Variants in ATP10B observed in about 807,000 individuals in gnomAD.
ATP10B encodes the protein phospholipid-transporting ATPase VB.
Under a neutral mutation model 141.2 loss-of-function variants are expected in ATP10B, and 122 were observed. The ratio of observed to expected loss-of-function variants is 0.86; its 90% CI spans 0.75 to 1.00. The LOEUF (loss-of-function observed/expected upper bound fraction) is 1.00. ATP10B is among the 50% of genes least tolerant of loss of function. ATP10B has a pLI of 0.00. For synonymous variants in ATP10B, 685 were observed against 692.0 expected (o/e 0.99, Z 0.16); for missense variants, 1,876 against 1,825.3 (o/e 1.03, Z -0.51).
intron 7 of ATP10B, among the ~76,000 whole-genome samples, chr5:160,653,568 CATATACATATATACATATATACAT>C (rs1193180455): frequency 2.2e-4 from 16 of 72,130 alleles, no homozygotes; most frequent in African/African-American, 7.1e-4. Context: ...ATATATATTA[CATATACATATATACATATATACAT>C]ATATACATAT....
At chr5:160,694,509 A>T (rs1764254216) in intron 3 of ATP10B, among the ~76,000 whole-genome samples, 1 of 152,184 alleles carries the variant, frequency 6.6e-6, no homozygotes, top group Non-Finnish European at 1.5e-5. Flanking sequence ...AGACAATCCT[A>T]TATGGGGGAC....
intron 7 of ATP10B, among the ~76,000 whole-genome samples, chr5:160,658,051 T>A (rs1761630278): frequency 6.6e-6 from 1 of 152,186 alleles, no homozygotes; most frequent in South Asian, 2.1e-4. Context: ...GGCAAAAAAA[T>A]TCACAAAGAA....
chr5:160,671,167 A>C (rs1762677393), intron 6 of ATP10B, among the ~76,000 whole-genome samples: 4 of 133,286 alleles, frequency 3.0e-5, no homozygotes, highest in African/African-American at 1.5e-4. Context: ...TCTGTCTCAA[A>C]AAAAAAAAAA....
the ATP10B span, among the ~76,000 whole-genome samples, chr5:160,904,556 T>C: frequency 1.3e-4 from 20 of 152,218 alleles, no homozygotes; most frequent in African/African-American, 4.6e-4. Flanking sequence ...ATGTGATACC[T>C]TGTCAAGACT....
At chr5:160,853,268 C>CTT (rs1753894765), upstream of ATP10B, among the ~76,000 whole-genome samples, 2 of 152,008 alleles carry the variant, frequency 1.3e-5, no homozygotes, top group South Asian at 4.1e-4. Context: ...GTCCCTGTTC[C>CTT]TTTACTTCCC....
At position 160,670,463 on chromosome 5, in the gene ATP10B, C is replaced by T. The variant is rs761911471; in HGVS notation, c.675G>A (p.Gln225=). 2 of 1,613,934 alleles carry T rather than the reference C, an allele frequency of 1.2e-6. No homozygotes were observed. Among genetic ancestry groups the T allele is most frequent in the Non-Finnish European group, 1.7e-6 (2 of 1,179,934 alleles). The part of the protein sequence containing the change: ...QRCVVKGFSQ[Q]EVQFEPELFH... Reference sequence around the variant, plus strand: ...TTGAAGATATTAGAAAGAGCCCTACCTGCTGTGAGAAGCCCTTCACGACAC... The same window carrying T: ...TTGAAGATATTAGAAAGAGCCCTACTTGCTGTGAGAAGCCCTTCACGACAC... The change falls in exon 7 of 26, where the codon CAG becomes CAA. Residue 225 remains glutamine (Q), a splice_region_variant and synonymous_variant. Transcript: ENST00000327245.
the ATP10B span, among the ~76,000 whole-genome samples, chr5:160,871,473 T>C: frequency 1.3e-5 from 2 of 152,116 alleles, no homozygotes; most frequent in Admixed American, 6.6e-5. Context: ...ACCTGCGCAG[T>C]ATATATACAC....
intron 7 of ATP10B, among the ~76,000 whole-genome samples, chr5:160,658,569 C>T (rs1259289773): frequency 6.6e-6 from 1 of 152,194 alleles, no homozygotes; most frequent in Non-Finnish European, 1.5e-5. Flanking sequence ...ATCACAGAGT[C>T]CTTTGTTTCT....
the ATP10B span, among the ~76,000 whole-genome samples, chr5:160,927,354 A>G: frequency 6.6e-6 from 1 of 152,208 alleles, no homozygotes; most frequent in Admixed American, 6.5e-5. Flanking sequence ...GGCATCTAGA[A>G]GGACAAGCTG....
intron 13 of ATP10B, among the ~76,000 whole-genome samples, chr5:160,630,661 A>G (rs1354348354): frequency 2.0e-5 from 3 of 152,236 alleles, no homozygotes; most frequent in Non-Finnish European, 2.9e-5. Flanking sequence ...AGGATGTAGC[A>G]ATATACACAC....
chr5:160,922,229 G>T, the ATP10B span, among the ~76,000 whole-genome samples: 1 of 152,178 alleles, frequency 6.6e-6, no homozygotes, highest in Non-Finnish European at 1.5e-5. Flanking sequence ...CACAGACCTG[G>T]CACTGAGGTC....
At chr5:160,596,057 C>T (rs1235179680) in intron 22 of ATP10B, among the ~76,000 whole-genome samples, 17 of 151,826 alleles carry the variant, frequency 1.1e-4, no homozygotes, top group Admixed American at 6.6e-5. Context: ...CCAGCATCAT[C>T]CTGATACCAA....
rs1046178847 is a variant in ATP10B, at chr5:160,776,718, C to T, written c.-331+8841G>A. Among the ~76,000 whole-genome samples the T allele has an allele frequency of 2.0e-5, 3 of 152,174 alleles. No individual in the cohort carries two copies. The East Asian group carries it at 5.8e-4, about 29-fold the overall frequency. The stretch of plus-strand genomic sequence containing the variant: ...TTATTAATAAGTTTTTCCTGTGACA[C>T]TTGGCCCAAGGGAAAGGTTCAGTCA... On this transcript the variant is annotated intron_variant, in intron 2 of 25. Transcript: ENST00000327245.
In ATP10B at chr5:160,565,625, G is replaced by A. The variant is rs746808098; in HGVS notation, c.4214C>T (p.Thr1405Met). 64 of 1,614,116 alleles carry A rather than the reference G, an allele frequency of 4.0e-5. No homozygotes were observed. The East Asian group carries it at 4.0e-4, about 10-fold the overall frequency. Residue 1405 changes from threonine to methionine, a missense_variant, in exon 26 of 26, where the codon ACG becomes ATG. By Grantham distance (81) the Thr-to-Met change is moderately conservative. Transcript: ENST00000327245. ...GCATGAGTCATCCCTCATGCACTCC[G>A]TGCCACATCTCTGTTCGTGGAGTAC... ...ESVLHEQRCGTECMRDDSCSG... is the reference protein window; with the variant it reads ...ESVLHEQRCGMECMRDDSCSG...
At chr5:160,633,613 G>A (rs1418642327) in intron 12 of ATP10B, 2 of 154,832 alleles carry the variant, frequency 1.3e-5, no homozygotes, top group South Asian at 2.0e-4. Flanking sequence ...TGATGGGTTG[G>A]TGGGTGCTGC....
chr5:160,919,209 G>C, the ATP10B span, among the ~76,000 whole-genome samples: 1 of 59,222 alleles, frequency 1.7e-5, no homozygotes, highest in Non-Finnish European at 3.0e-5. Context: ...GGGCGACAGA[G>C]CGAAACTCCG....
At chr5:160,760,047 G>C (rs927402878) in intron 2 of ATP10B, among the ~76,000 whole-genome samples, 1 of 152,112 alleles carries the variant, frequency 6.6e-6, no homozygotes, top group African/African-American at 2.4e-5. Flanking sequence ...TTAGAATTGT[G>C]TCTTTACGCA....
rs760452841 is a variant in ATP10B, at chr5:160,565,902, T to C, written c.3939-2A>G. On this transcript the variant is annotated splice_acceptor_variant, in intron 25 of 25. Transcript: ENST00000327245. LOFTEE classifies it high-confidence loss of function. ...CCTTGCAGAGACAGGAAAAAGTATC[T>C]GGTGGGAAACAACAGAATAAAGATA... 1 of 1,604,708 alleles carries C rather than the reference T, an allele frequency of 6.2e-7. No homozygotes were observed. The highest frequency in any genetic ancestry group is 1.7e-5 in the Admixed American group (1 of 57,930).
Position 160,686,227 on chromosome 5 carries a change from G to C in ATP10B, c.322C>G (p.Pro108Ala). Residue 108 changes from proline (P) to alanine (A), a missense_variant, in exon 6 of 26, where the codon CCC becomes GCC. By Grantham distance (27) the Pro-to-Ala change is conservative (BLOSUM62 -1). Coordinates refer to ENST00000327245, the MANE Select transcript of ATP10B (RefSeq NM_025153.3). ...TCTCTGTGGAAGACTTCCATGGAGG[G>C]CATCCAGTTCAAAATCACCAGGAAC... The part of the protein sequence containing the change: ...FLFLVILNWM[P>A]SMEVFHREIT... The C allele has an allele frequency of 6.2e-7, 1 of 1,609,380 alleles. No individual in the cohort carries two copies. Among genetic ancestry groups the C allele is most frequent in the Non-Finnish European group, 8.5e-7 (1 of 1,176,962 alleles).
Sources: gnomAD v4.1 joint callset for allele counts (sites outside exome capture counted in the v4.1 genomes callset) on GRCh38, gnomAD v4.1.1 for gene constraint, MANE v1.5 for transcripts, NCBI Gene and HGNC (gene_info 2026-07-23, HGNC 2026-07-21) for gene names.